APBA1: variants seen among roughly 807,000 people sequenced by gnomAD.
APBA1 encodes the protein amyloid beta precursor protein binding family A member 1.
Under a neutral mutation model 86.6 loss-of-function variants are expected in APBA1, and 55 were observed. The observed-to-expected ratio is 0.64, with a 90% CI of 0.51 to 0.80. APBA1 has a LOEUF of 0.80. APBA1 is among the 30% of genes least tolerant of loss of function. The probability of loss-of-function intolerance (pLI) is 0.00; values close to 1 mark genes in which losing one functional copy is unlikely to be tolerated. For missense variants in APBA1, 1,090 were observed against 1,183.0 expected, an observed-to-expected ratio of 0.92 and a Z score of 1.15; for synonymous variants, 511 against 493.9, an observed-to-expected ratio of 1.03 and a Z score of -0.46.
Position 69,456,332 on chromosome 9 carries a change from G to T in APBA1, c.1703C>A (p.Ser568Tyr). 6.2e-7 allele frequency: 1 copy of T among 1,614,198 alleles called. No individual in the cohort carries two copies. The change falls in exon 8 of 13, where the codon TCC (serine) becomes TAC (tyrosine). Residue 568 changes from serine (S) to tyrosine (Y), a missense_variant. By Grantham distance (144) the Ser-to-Tyr change is moderately radical. Around this residue, in one of 6 missense-constraint regions of APBA1, gnomAD observed 103 missense variants for 91.9 expected, o/e 1.12. Transcript: ENST00000265381. Reference sequence around the variant, plus strand: ...GTGGGACGCTTCCACGTTCTCCTGGGAGTTGGAGCGAGGCATCCGCCGGCG... The same window carrying T: ...GTGGGACGCTTCCACGTTCTCCTGGTAGTTGGAGCGAGGCATCCGCCGGCG... ...MARRRMPRSN[S>Y]QENVEASHPS...
At chr9:69,671,684 A>T (rs992337043) in intron 1 of APBA1, among the ~76,000 whole-genome samples, 3 of 152,048 alleles carry the variant, frequency 2.0e-5, no homozygotes, top group African/African-American at 7.2e-5. Flanking sequence ...TCCACACTTC[A>T]CACACCAAGT....
At chr9:69,620,509 C>T (rs1041262070) in intron 1 of APBA1, among the ~76,000 whole-genome samples, 77 of 152,228 alleles carry the variant, frequency 5.1e-4, no homozygotes, top group African/African-American at 1.9e-3. Context: ...GAAACCCTGT[C>T]TCTACTAAAA....
At chr9:69,431,534 C>G (rs1248271961) in intron 12 of APBA1, 136 bp from the exon 13 acceptor site, 4 of 691,890 alleles carry the variant, frequency 5.8e-6, no homozygotes, top group Non-Finnish European at 7.1e-6. Context: ...CCAGCCACCA[C>G]CAGGGACCTG....
intron 1 of APBA1, among the ~76,000 whole-genome samples, chr9:69,524,772 A>G (rs1372431755): frequency 6.6e-6 from 1 of 152,158 alleles, no homozygotes; most frequent in Non-Finnish European, 1.5e-5. Context: ...CCTGGAAAAG[A>G]CACAGTGGAA....
At chr9:69,505,901 C>T (rs12345500) in intron 2 of APBA1, among the ~76,000 whole-genome samples, 15,446 of 151,910 alleles carry the variant, frequency 0.1, 948 homozygotes, top group East Asian at 0.28. Context: ...CACCTGTAGT[C>T]CCAGCTACTT....
chr9:69,453,118 TTTTA>T (rs1395770411), intron 8 of APBA1, among the ~76,000 whole-genome samples: 1 of 152,210 alleles, frequency 6.6e-6, no homozygotes, highest in Non-Finnish European at 1.5e-5. Flanking sequence ...TGTAATATGG[TTTTA>T]TTTTAGTTTG....
At chr9:69,543,284 C>A (rs377210141) in intron 1 of APBA1, among the ~76,000 whole-genome samples, 306 of 9,496 alleles carry the variant, frequency 0.032, 1 homozygote, top group South Asian at 0.15. Context: ...TTTCCCCCCC[C>A]CCCCCCCGGC....
intron 10 of APBA1, among the ~76,000 whole-genome samples, chr9:69,446,986 T>A (rs996644058): frequency 6.6e-6 from 1 of 152,200 alleles, no homozygotes; most frequent in Non-Finnish European, 1.5e-5. Flanking sequence ...CAGGCATTTA[T>A]CCCTCACAGT....
chr9:69,628,575 G>A (rs941435994), intron 1 of APBA1, among the ~76,000 whole-genome samples: 4 of 152,178 alleles, frequency 2.6e-5, no homozygotes, highest in Non-Finnish European at 5.9e-5. Flanking sequence ...AGTCACCTGA[G>A]TGCCATGGCA....
chr9:69,567,204 T>C (rs1837040734), intron 1 of APBA1, among the ~76,000 whole-genome samples: 1 of 152,090 alleles, frequency 6.6e-6, no homozygotes, highest in South Asian at 2.1e-4. Flanking sequence ...GAAGAAACAA[T>C]GCTAGAGCGA....
chr9:69,524,714 A>G (rs896855264), intron 1 of APBA1, among the ~76,000 whole-genome samples: 2 of 151,858 alleles, frequency 1.3e-5, no homozygotes, highest in East Asian at 3.9e-4. Context: ...TGGAGAAGGG[A>G]CTCCCTAACT....
chr9:69,591,713 C>G (rs1822133045), intron 1 of APBA1, among the ~76,000 whole-genome samples: 1 of 152,202 alleles, frequency 6.6e-6, no homozygotes, highest in African/African-American at 2.4e-5. Flanking sequence ...CAACTGTTCT[C>G]TCTTTTGTCT....
At chr9:69,611,037 C>A (rs994355766) in intron 1 of APBA1, among the ~76,000 whole-genome samples, 2 of 151,630 alleles carry the variant, frequency 1.3e-5, no homozygotes, top group Non-Finnish European at 2.9e-5. Flanking sequence ...TATGGGATGC[C>A]AGTTGAAGTT....
chr9:69,477,410 G>C (rs1835470131), intron 2 of APBA1, among the ~76,000 whole-genome samples: 1 of 126,066 alleles, frequency 7.9e-6, no homozygotes, highest in Non-Finnish European at 1.7e-5. Flanking sequence ...GCGCTTTTCG[G>C]ACCGGCTTAA....
At chr9:69,510,128 AT>A (rs1419286889) in intron 2 of APBA1, among the ~76,000 whole-genome samples, 1 of 129,134 alleles carries the variant, frequency 7.7e-6, no homozygotes, top group East Asian at 2.5e-4. Flanking sequence ...AGGAAGTCAA[AT>A]TGTCCCTGTT....
intron 11 of APBA1, among the ~76,000 whole-genome samples, chr9:69,434,727 G>A (rs1203450608): frequency 1.3e-5 from 2 of 148,270 alleles, no homozygotes; most frequent in African/African-American, 5.1e-5. Flanking sequence ...AAAAAAAAAA[G>A]GCCATGCTAC....
At chr9:69,621,565 G>A (rs11139519) in intron 1 of APBA1, among the ~76,000 whole-genome samples, 19,644 of 152,080 alleles carry the variant, frequency 0.13, 1,654 homozygotes, top group East Asian at 0.24. Context: ...ATTAACTGTG[G>A]GTCTATGAGC....
intron 1 of APBA1, among the ~76,000 whole-genome samples, chr9:69,573,391 G>A (rs1048374460): frequency 2.6e-5 from 4 of 152,152 alleles, no homozygotes; most frequent in Non-Finnish European, 5.9e-5. Flanking sequence ...GAGCCCAGGA[G>A]TTCAAGGCTG....
chr9:69,456,276 T>A lies in APBA1; in HGVS notation c.1759A>T (p.Met587Leu). The A allele has an allele frequency of 6.2e-7, 1 of 1,614,202 alleles. No homozygotes were observed. The highest frequency in any genetic ancestry group is 8.5e-7 in the Non-Finnish European group (1 of 1,180,042). Residue 587 changes from methionine (M) to leucine (L), a missense_variant, in exon 8 of 13, where the codon ATG becomes TTG. Physicochemically the swap from Met to Leu is conservative, Grantham distance 15. Coordinates refer to ENST00000265381, the MANE Select transcript of APBA1 (RefSeq NM_001163.4). Reference protein sequence around the residue: ...PSQDGKRQYKMICHVFESEDA... With the variant: ...PSQDGKRQYKLICHVFESEDA... ...TCAGACTCGAAGACGTGGCAGATCA[T>A]CTTGTACTGCCTTTTCCCATCCTGG...
Sources: allele counts gnomAD v4.1 joint callset (sites outside exome capture counted in the v4.1 genomes callset), GRCh38; gene constraint gnomAD v4.1.1; regional missense constraint gnomAD v4.1.1; transcripts MANE v1.5; gene names NCBI Gene and HGNC (gene_info 2026-07-23, HGNC 2026-07-21).